Variants in DDX60 observed in about 807,000 individuals in gnomAD.
DDX60 encodes DExD/H-box helicase 60, also known as probable ATP-dependent RNA helicase DDX60.
Under a neutral mutation model 212.8 loss-of-function variants are expected in DDX60, and 165 were observed. The observed-to-expected ratio is 0.78, with a 90% CI of 0.68 to 0.88. The LOEUF is 0.88. Ranked by LOEUF, DDX60 falls within the 40% of genes least tolerant of loss-of-function variation. The probability of loss-of-function intolerance (pLI) is 0.00; values close to 1 mark genes in which losing one functional copy is unlikely to be tolerated. For synonymous variants in DDX60, 703 were observed against 685.3 expected (o/e 1.03, Z -0.40); for missense variants, 1,905 against 2,003.9 (o/e 0.95, Z 0.94).
intron 5 of DDX60, among the ~76,000 whole-genome samples, chr4:168,305,744 C>T (rs1007316032): frequency 1.3e-5 from 2 of 151,476 alleles, no homozygotes; most frequent in Non-Finnish European, 2.9e-5. Context: ...ACTAATGTAT[C>T]AAAATAATAA....
chr4:168,268,165 G>C (rs1734932960), intron 20 of DDX60, among the ~76,000 whole-genome samples, 182 bp from the exon 21 acceptor site: 1 of 152,078 alleles, frequency 6.6e-6, no homozygotes, highest in Non-Finnish European at 1.5e-5. Flanking sequence ...TCTCTTGGTT[G>C]AATAACTTCA....
Position 168,276,077 on chromosome 4 carries a change from T to A in DDX60, c.2083A>T (p.Ile695Leu). The change falls in exon 15 of 38, where the codon ATA (isoleucine) becomes TTA (leucine). Residue 695 changes from isoleucine (I) to leucine (L), a missense_variant. By Grantham distance (5) the Ile-to-Leu change is conservative (BLOSUM62 2). Transcript: ENST00000393743. ...CCTAAATACTTAAGGCATCTGGCTA[T>A]GAGTTGCCGATCATCTTCTTGTAAA... ...ELLQEDDRQL[I>L]ARCLKYLGFD... is the part of the protein sequence containing the mutation. 2 of 1,613,840 alleles carry A rather than the reference T, an allele frequency of 1.2e-6. No homozygotes were observed. The highest frequency in any genetic ancestry group is 1.7e-6 in the Non-Finnish European group (2 of 1,179,832).
At chr4:168,225,725 A>T (rs754393715) in intron 33 of DDX60, 49 bp from the exon 34 acceptor site, 1 of 1,549,332 alleles carries the variant, frequency 6.5e-7, no homozygotes, top group South Asian at 1.2e-5. Context: ...ACCTTCCTTC[A>T]AAACTGAATC....
At chr4:168,284,784 G>T in intron 12 of DDX60, 36 bp downstream of exon 12, 1 of 1,054,454 alleles carries the variant, frequency 9.5e-7, no homozygotes, top group Non-Finnish European at 1.3e-6. Flanking sequence ...GAGTAAAGTA[G>T]ATTTAAATTT....
At chr4:168,245,869 A>G (rs1289838608) in intron 30 of DDX60, among the ~76,000 whole-genome samples, 1 of 152,126 alleles carries the variant, frequency 6.6e-6, no homozygotes, top group Non-Finnish European at 1.5e-5. Flanking sequence ...CAACGATATC[A>G]GTGTTTAAAA....
intron 25 of DDX60, among the ~76,000 whole-genome samples, chr4:168,256,635 T>C (rs560743018): frequency 6.6e-6 from 1 of 152,334 alleles, no homozygotes; most frequent in East Asian, 1.9e-4. Flanking sequence ...ACATTTCCTA[T>C]GTTTATTTCA....
chr4:168,309,777 T>C (rs1737049954), intron 3 of DDX60, among the ~76,000 whole-genome samples: 1 of 151,968 alleles, frequency 6.6e-6, no homozygotes. Flanking sequence ...GGGGAAAGAA[T>C]ATCTGCTTGA....
intron 2 of DDX60, 52 bp from the exon 3 acceptor site, chr4:168,311,119 C>T: frequency 2.1e-6 from 3 of 1,417,364 alleles, no homozygotes; most frequent in Non-Finnish European, 3.0e-6. Context: ...TCAATTGGTC[C>T]TTTTTACAGG....
chr4:168,304,811 T>C lies in DDX60; in HGVS notation c.606+1568A>G, dbSNP rs529370741. On this transcript the variant is annotated intron_variant, in intron 5 of 37. Coordinates refer to ENST00000393743, the MANE Select transcript of DDX60 (RefSeq NM_017631.6). ...CACAAAATAAAAAATTACAGTAAGC[T>C]AATGTTAAGGTATTAAATAAAAAAG... Among the ~76,000 whole-genome samples the C allele has an allele frequency of 2.6e-5, 4 of 152,308 alleles. No individual in the cohort carries two copies. The South Asian group carries it at 8.3e-4, about 32-fold the overall frequency.
Position 168,248,083 on chromosome 4 carries a change from C to A in DDX60, c.3963+105G>T, listed in dbSNP as rs529109808. 40 of 664,676 alleles carry A rather than the reference C, an allele frequency of 6.0e-5. 2 individuals are homozygous for A. The South Asian group carries it at 1.0e-3, about 17-fold the overall frequency. 41.2% of individuals were successfully genotyped at this position (664,676 alleles called of 1,614,324 possible). On this transcript the variant is annotated intron_variant, in intron 29 of 37. Coordinates refer to ENST00000393743, the MANE Select transcript of DDX60 (RefSeq NM_017631.6). Reference sequence around the variant, plus strand: ...AGGCAAGGATGAATGTCCAGTTATGCTACTGTGAATTGTGGCATGTTTGTA... The same window carrying A: ...AGGCAAGGATGAATGTCCAGTTATGATACTGTGAATTGTGGCATGTTTGTA...
intron 3 of DDX60, among the ~76,000 whole-genome samples, chr4:168,310,094 G>A (rs1037604426): frequency 6.6e-6 from 1 of 152,192 alleles, no homozygotes; most frequent in African/African-American, 2.4e-5. Context: ...AAATCAGGAA[G>A]TACCTTGCCA....
Position 168,232,642 on chromosome 4 carries a change from T to C in DDX60, c.4533+3610A>G, listed in dbSNP as rs189686595. Among the ~76,000 whole-genome samples the C allele has an allele frequency of 1.6e-4, 24 of 152,122 alleles. 1 individual carries two copies. The highest frequency in any genetic ancestry group is 8.5e-4 in the Admixed American group (13 of 15,258). ...CCCTATTCAACACGTGGTGCTGGGA[T>C]AATTGGCAAGCCACACGTAGCAGAA... is the stretch of plus-strand genomic sequence containing the variant. On this transcript the variant is annotated intron_variant, in intron 33 of 37. Transcript: ENST00000393743.
At chr4:168,220,768 T>C in intron 36 of DDX60, 51 bp from the exon 37 acceptor site, 2 of 970,612 alleles carry the variant, frequency 2.1e-6, no homozygotes, top group East Asian at 6.2e-5. Flanking sequence ...TTAAAGAACA[T>C]CCTATTTTAT....
intron 33 of DDX60, among the ~76,000 whole-genome samples, chr4:168,233,919 T>C (rs1212015168): frequency 2.0e-5 from 3 of 152,126 alleles, no homozygotes; most frequent in Middle Eastern, 3.4e-3. Context: ...TTGATATAAG[T>C]ATAAAAAAGC....
At position 168,307,698 on chromosome 4, in the gene DDX60, T is replaced by C. The variant is rs1396565196; in HGVS notation, c.264+308A>G. Among the ~76,000 whole-genome samples the C allele has an allele frequency of 3.3e-5, 5 of 152,114 alleles. No individual in the cohort carries two copies. In the East Asian group the frequency reaches 9.6e-4, roughly 29 times the overall value. ...GCCTGCTGAGTTTTGAAAACAGAAA[T>C]AGTTCTCAGAGCAGGAGAACTGGAA... On this transcript the variant is annotated intron_variant, in intron 4 of 37. Transcript: ENST00000393743.
At chr4:168,295,008 T>G (rs1364231285) in intron 6 of DDX60, among the ~76,000 whole-genome samples, 1 of 151,928 alleles carries the variant, frequency 6.6e-6, no homozygotes, top group Non-Finnish European at 1.5e-5. Context: ...ATTAGGCAAA[T>G]GCAAATTAAA....
At chr4:168,225,872 T>A (rs1733236295) in intron 33 of DDX60, among the ~76,000 whole-genome samples, 196 bp from the exon 34 acceptor site, 1 of 152,132 alleles carries the variant, frequency 6.6e-6, no homozygotes, top group Non-Finnish European at 1.5e-5. Context: ...TTTGCAATTA[T>A]GAAAACAAAT....
At chr4:168,314,600 T>TG (rs1737284026) in intron 1 of DDX60, among the ~76,000 whole-genome samples, 1 of 152,190 alleles carries the variant, frequency 6.6e-6, no homozygotes, top group African/African-American at 2.4e-5. Context: ...AAAATGAGCA[T>TG]GCTGGAATTT....
intron 28 of DDX60, among the ~76,000 whole-genome samples, chr4:168,249,927 CCT>C (rs898324313): frequency 4.6e-5 from 7 of 151,950 alleles, no homozygotes; most frequent in African/African-American, 1.7e-4. Context: ...TGTCTTTCTT[CCT>C]CTCTCTCTTT....
Sources: allele counts gnomAD v4.1 joint callset (sites outside exome capture counted in the v4.1 genomes callset), GRCh38; gene constraint gnomAD v4.1.1; transcripts MANE v1.5; gene names NCBI Gene and HGNC (gene_info 2026-07-23, HGNC 2026-07-21).